The following NDST4 variants were observed in gnomAD, a reference collection of about 807,000 sequenced individuals.
NDST4 encodes N-heparan sulfate sulfotransferase 4.
A neutral mutation model predicts 100.8 loss-of-function variants in NDST4; 63 were observed. The observed-to-expected ratio is 0.62, with a 90% CI of 0.51 to 0.77. The LOEUF is 0.77. NDST4 is among the 30% of genes least tolerant of loss of function. NDST4 has a pLI of 0.00. For missense variants in NDST4, 943 were observed against 1,018.4 expected (o/e 0.93, Z 1.01); for synonymous variants, 377 against 361.8 (o/e 1.04, Z -0.48).
chr4:114,870,671 A>G (rs1578355075), intron 7 of NDST4, 97 bp downstream of exon 7: 1 of 946,238 alleles, frequency 1.1e-6, no homozygotes, highest in East Asian at 2.9e-5. Context: ...GTTAAATTCC[A>G]GTTTTAATAT....
intron 1 of NDST4, among the ~76,000 whole-genome samples, chr4:115,089,135 C>T (rs1729463155): frequency 6.6e-6 from 1 of 151,994 alleles, no homozygotes; most frequent in African/African-American, 2.4e-5. Flanking sequence ...CAAGGTACAA[C>T]TCAAATGATC....
chr4:114,994,773 C>T (rs1727123898), intron 2 of NDST4, among the ~76,000 whole-genome samples: 1 of 151,954 alleles, frequency 6.6e-6, no homozygotes, highest in South Asian at 2.1e-4. Flanking sequence ...ATCTTATCCT[C>T]TTGGGTTTAA....
At chr4:114,893,003 T>A (rs1285236669) in intron 6 of NDST4, among the ~76,000 whole-genome samples, 1 of 152,140 alleles carries the variant, frequency 6.6e-6, no homozygotes, top group Non-Finnish European at 1.5e-5. Context: ...TGTTTGGTTT[T>A]CTGTTCCTGT....
chr4:115,098,052 G>A (rs1370371970), intron 1 of NDST4, among the ~76,000 whole-genome samples: 1 of 152,068 alleles, frequency 6.6e-6, no homozygotes, highest in African/African-American at 2.4e-5. Context: ...CCTAAACCCT[G>A]CTTGGTTGTG....
At chr4:114,831,209 C>T (rs543284394) in intron 12 of NDST4, among the ~76,000 whole-genome samples, 1 of 147,762 alleles carries the variant, frequency 6.8e-6, no homozygotes, top group East Asian at 2.0e-4. Context: ...CCCGCCACGG[C>T]GCCCGGCTAA....
chr4:115,063,524 T>C (rs538087854), intron 2 of NDST4, among the ~76,000 whole-genome samples: 74 of 152,108 alleles, frequency 4.9e-4, no homozygotes, highest in Non-Finnish European at 5.6e-4. Flanking sequence ...AAATTTTTGT[T>C]TTATTTCTTT....
intron 7 of NDST4, among the ~76,000 whole-genome samples, chr4:114,868,783 T>C (rs1429921977): frequency 6.6e-6 from 1 of 151,728 alleles, no homozygotes; most frequent in Non-Finnish European, 1.5e-5. Flanking sequence ...TATATTTTGA[T>C]AATGTATATG....
chr4:115,053,558 T>C (rs991424710), intron 2 of NDST4, among the ~76,000 whole-genome samples: 35 of 152,176 alleles, frequency 2.3e-4, no homozygotes, highest in African/African-American at 8.4e-4. Context: ...TTTTACTATA[T>C]GCTTGTGTAC....
At chr4:114,990,046 C>T (rs1011156978) in intron 2 of NDST4, among the ~76,000 whole-genome samples, 5 of 151,810 alleles carry the variant, frequency 3.3e-5, no homozygotes, top group African/African-American at 1.2e-4. Flanking sequence ...TTTATGTCTG[C>T]GTTTTCATGA....
chr4:114,946,180 T>C (rs1159058058), intron 4 of NDST4, among the ~76,000 whole-genome samples: 1 of 152,312 alleles, frequency 6.6e-6, no homozygotes, highest in South Asian at 2.1e-4. Context: ...ATTTGGCACG[T>C]GCTTTGCTAA....
At chr4:115,054,657 G>T (rs115096759) in intron 2 of NDST4, among the ~76,000 whole-genome samples, 1 of 152,258 alleles carries the variant, frequency 6.6e-6, no homozygotes, top group African/African-American at 2.4e-5. Context: ...TTTCAATGGG[G>T]GTGTATGCAG....
intron 1 of NDST4, among the ~76,000 whole-genome samples, chr4:115,078,130 A>T (rs967882960): frequency 6.6e-6 from 1 of 152,210 alleles, no homozygotes; most frequent in African/African-American, 2.4e-5. Flanking sequence ...CTCTAAAAAA[A>T]CACCTGAGAC....
At chr4:114,865,561 T>A (rs141173198) in intron 7 of NDST4, among the ~76,000 whole-genome samples, 2 of 152,344 alleles carry the variant, frequency 1.3e-5, no homozygotes, top group African/African-American at 4.8e-5. Flanking sequence ...AATGTTTCTG[T>A]AAGGCACAAA....
intron 2 of NDST4, among the ~76,000 whole-genome samples, chr4:115,003,165 G>A (rs1177665644): frequency 6.6e-6 from 1 of 152,118 alleles, no homozygotes; most frequent in Non-Finnish European, 1.5e-5. Flanking sequence ...GTTGATGGGT[G>A]CAGCAAAGCA....
intron 4 of NDST4, among the ~76,000 whole-genome samples, chr4:114,967,272 T>C (rs184803862): frequency 7.9e-5 from 12 of 152,258 alleles, no homozygotes; most frequent in Admixed American, 5.9e-4. Flanking sequence ...CAGTATGATA[T>C]ATGTTTAATG....
chr4:115,037,063 C>T (rs111432438), intron 2 of NDST4, among the ~76,000 whole-genome samples: 1,902 of 151,908 alleles, frequency 0.013, 38 homozygotes, highest in African/African-American at 0.044. Flanking sequence ...TATGTGTGTG[C>T]TACAAGAGAT....
chr4:114,984,745 C>G (rs574368155), intron 2 of NDST4, among the ~76,000 whole-genome samples: 1 of 152,186 alleles, frequency 6.6e-6, no homozygotes, highest in Non-Finnish European at 1.5e-5. Context: ...ACCTTAGTAA[C>G]CTTATATTCC....
intron 4 of NDST4, among the ~76,000 whole-genome samples, chr4:114,945,208 CAAAAAAAA>C (rs1173970826): frequency 7.4e-5 from 4 of 53,766 alleles, no homozygotes; most frequent in South Asian, 1.3e-3. Flanking sequence ...AACTCCGTCT[CAAAAAAAA>C]AAAAAAAAAA....
At chr4:114,872,758 G>T (rs1032429986) in intron 6 of NDST4, among the ~76,000 whole-genome samples, 2 of 151,880 alleles carry the variant, frequency 1.3e-5, no homozygotes, top group Non-Finnish European at 2.9e-5. Flanking sequence ...GAAAAAAAAT[G>T]AAGCACAGAG....
Sources: gnomAD v4.1 joint callset for allele counts (sites outside exome capture counted in the v4.1 genomes callset) on GRCh38, gnomAD v4.1.1 for gene constraint, MANE v1.5 for transcripts, NCBI Gene and HGNC (gene_info 2026-07-23, HGNC 2026-07-21) for gene names.